Variants in NTSR1 observed in about 807,000 individuals in gnomAD.
NTSR1 encodes neurotensin receptor type 1.
NTSR1 carries 29 observed loss-of-function variants against 31.2 expected under a neutral mutation model. That is an observed-to-expected ratio of 0.93 (90% CI 0.69 to 1.27). The LOEUF is 1.27. Ranked by LOEUF, NTSR1 falls within the 50% of genes most tolerant of loss-of-function variation. The pLI, the probability that NTSR1 is intolerant of heterozygous loss-of-function variation, is 0.00. For synonymous variants in NTSR1, 282 were observed against 269.9 expected, an observed-to-expected ratio of 1.04 and a Z score of -0.44; for missense variants, 697 against 595.4, an observed-to-expected ratio of 1.17 and a Z score of -1.78.
chr20:62,740,111 G>A (rs1456434203), intron 1 of NTSR1, among the ~76,000 whole-genome samples: 1 of 152,248 alleles, frequency 6.6e-6, no homozygotes, highest in Non-Finnish European at 1.5e-5. Flanking sequence ...ATGGAGCAGA[G>A]AACTTTTCCG....
At chr20:62,734,119 G>A (rs958768232) in intron 1 of NTSR1, among the ~76,000 whole-genome samples, 1 of 152,100 alleles carries the variant, frequency 6.6e-6, no homozygotes, top group Non-Finnish European at 1.5e-5. Flanking sequence ...TCCTGGAAGC[G>A]ACCGCCTTGT....
rs576955656 is a variant in NTSR1 at position 62,722,652 on chromosome 20, C to T, written c.714+12731C>T. Among the ~76,000 whole-genome samples, 58 of 152,324 alleles carry T rather than the reference C, an allele frequency of 3.8e-4. 1 individual carries two copies. The highest frequency in any genetic ancestry group is 6.8e-3 in the Middle Eastern group (2 of 294). On this transcript the variant is annotated intron_variant, in intron 1 of 3. Coordinates refer to ENST00000370501, the MANE Select transcript of NTSR1 (RefSeq NM_002531.3). The stretch of plus-strand genomic sequence containing the variant: ...CGTTCTGCCCGGACCTCAGCTCTTA[C>T]GTCTCCATCAGGAAACTGTCCCCAA...
chr20:62,750,505 A>T (rs113564061), intron 1 of NTSR1, among the ~76,000 whole-genome samples: 2 of 152,006 alleles, frequency 1.3e-5, no homozygotes, highest in Admixed American at 1.3e-4. Context: ...CCTGGCTAAC[A>T]TGGTGAAACC....
In NTSR1 at chr20:62,709,853, G is replaced by A. The variant is rs1391870877; in HGVS notation, c.646G>A (p.Gly216Ser). 3.1e-6 allele frequency: 5 copies of A among 1,608,264 alleles called. No individual in the cohort carries two copies. The highest frequency in any genetic ancestry group is 1.1e-5 in the South Asian group (1 of 90,952). Residue 216 changes from glycine to serine, a missense_variant, in exon 1 of 4, where the codon GGC (glycine) becomes AGC (serine). Transcript: ENST00000370501. ...GGGCGAGCAGAACCGCAGCGCCGAC[G>A]GCCAGCACGCCGGCGGCCTGGTGTG... Reference protein sequence around the residue: ...TMGEQNRSADGQHAGGLVCTP... With the variant: ...TMGEQNRSADSQHAGGLVCTP...
chr20:62,759,924 C>T, intron 3 of NTSR1, 94 bp from the exon 4 acceptor site: 1 of 1,280,994 alleles, frequency 7.8e-7, no homozygotes, highest in Non-Finnish European at 1.1e-6. Flanking sequence ...GTCTGAGCCA[C>T]CACGTCCCTC....
Position 62,709,817 on chromosome 20 carries a change from C to G in NTSR1, c.610C>G (p.Leu204Val), listed in dbSNP as rs200396076. 2.5e-6 allele frequency: 4 copies of G among 1,612,720 alleles called. No individual in the cohort carries two copies. In the African/African-American group the frequency reaches 4.0e-5, roughly 16 times the overall value. Reference sequence around the variant, plus strand: ...CTCGGCCCTGCTGGCGGTGCCTATGCTGTTCACCATGGGCGAGCAGAACCG... The same window carrying G: ...CTCGGCCCTGCTGGCGGTGCCTATGGTGTTCACCATGGGCGAGCAGAACCG... Reference protein sequence around the residue: ...LASALLAVPMLFTMGEQNRSA... With the variant: ...LASALLAVPMVFTMGEQNRSA... Residue 204 changes from leucine (L) to valine (V), a missense_variant, in exon 1 of 4, where the codon CTG (leucine) becomes GTG (valine). Physicochemically the swap from Leu to Val is conservative, Grantham distance 32. Coordinates refer to ENST00000370501, the MANE Select transcript of NTSR1 (RefSeq NM_002531.3).
Position 62,714,519 on chromosome 20 carries a change from T to C in NTSR1, c.714+4598T>C, listed in dbSNP as rs1211860820. On this transcript the variant is annotated intron_variant, in intron 1 of 3. Coordinates refer to ENST00000370501, the MANE Select transcript of NTSR1 (RefSeq NM_002531.3). The surrounding 1 kb of genome is among the most constrained non-coding windows in gnomAD (Gnocchi z 4.1). ...GTAGGCATGGATTCTTGACAGCTGC[T>C]GGGGTCACGAAGGGGAGAGAGTTAG... Among the ~76,000 whole-genome samples, 1 of 152,172 alleles carries C rather than the reference T, an allele frequency of 6.6e-6. No individual in the cohort carries two copies. The highest frequency in any genetic ancestry group is 1.5e-5 in the Non-Finnish European group (1 of 68,032).
At chr20:62,724,904 A>G (rs1988880172) in intron 1 of NTSR1, among the ~76,000 whole-genome samples, 1 of 152,150 alleles carries the variant, frequency 6.6e-6, no homozygotes, top group Non-Finnish European at 1.5e-5. Flanking sequence ...TCTCTGTGTC[A>G]TCTAAGGATA....
In NTSR1 at chr20:62,743,146, C is replaced by T. The variant is rs1989233717; in HGVS notation, c.715-11539C>T. ...GCCCCTGCTGGACACGTATCCCGGCCATCTCAGGCCCACCCATTGCCTCAT... is the reference window on the plus strand; with the variant it reads ...GCCCCTGCTGGACACGTATCCCGGCTATCTCAGGCCCACCCATTGCCTCAT... On this transcript the variant is annotated intron_variant, in intron 1 of 3. Transcript: ENST00000370501. The surrounding 1 kb of genome is among the most constrained non-coding windows in gnomAD (Gnocchi z 7.5). Among the ~76,000 whole-genome samples, 1 of 149,442 alleles carries T rather than the reference C, an allele frequency of 6.7e-6. No individual in the cohort carries two copies. Among genetic ancestry groups the T allele is most frequent in the African/African-American group, 2.5e-5 (1 of 39,964 alleles).
chr20:62,730,769 T>G (rs1988989407), intron 1 of NTSR1, among the ~76,000 whole-genome samples: 1 of 152,186 alleles, frequency 6.6e-6, no homozygotes, highest in African/African-American at 2.4e-5. Flanking sequence ...AGGATCTTGG[T>G]TTTGGTTTTT....
At chr20:62,731,939 T>A (rs1351920250) in intron 1 of NTSR1, among the ~76,000 whole-genome samples, 1 of 152,070 alleles carries the variant, frequency 6.6e-6, no homozygotes, top group Non-Finnish European at 1.5e-5. Flanking sequence ...GCCAATATAG[T>A]GAAACCCCCA....
At chr20:62,722,204 T>C (rs1441606877) in intron 1 of NTSR1, among the ~76,000 whole-genome samples, 2 of 152,342 alleles carry the variant, frequency 1.3e-5, no homozygotes, top group Non-Finnish European at 2.9e-5. Flanking sequence ...GTTTCATGCT[T>C]AGTTGAGTAA....
At chr20:62,724,917 G>A (rs368872463) in intron 1 of NTSR1, among the ~76,000 whole-genome samples, 1 of 152,192 alleles carries the variant, frequency 6.6e-6, no homozygotes, top group Admixed American at 6.5e-5. Context: ...TAAGGATACT[G>A]GTCATTAGAT....
At chr20:62,752,741 G>A (rs1013174349) in intron 1 of NTSR1, among the ~76,000 whole-genome samples, 11 of 152,290 alleles carry the variant, frequency 7.2e-5, no homozygotes, top group African/African-American at 2.6e-4. Context: ...GACTCACAGG[G>A]AATGGGTTTA....
chr20:62,760,995 C>G lies in NTSR1; in HGVS notation c.*728C>G, dbSNP rs2147151793. ...CCTCCCCTCCTCCCTCCCATCCTCA[C>G]CCAGGCCAAGGCCCAGGGGCTCTGC... On this transcript the variant is annotated 3_prime_UTR_variant, in exon 4 of 4. Coordinates refer to ENST00000370501, the MANE Select transcript of NTSR1 (RefSeq NM_002531.3). 1 of 152,688 alleles carries G rather than the reference C, an allele frequency of 6.5e-6. No individual in the cohort carries two copies. Among genetic ancestry groups the G allele is most frequent in the South Asian group, 2.1e-4 (1 of 4,834 alleles). 9.5% of individuals were successfully genotyped at this position (152,688 alleles called of 1,614,324 possible).
At chr20:62,735,598 G>C (rs954813646) in intron 1 of NTSR1, among the ~76,000 whole-genome samples, 11 of 152,208 alleles carry the variant, frequency 7.2e-5, no homozygotes, top group Non-Finnish European at 1.2e-4. Flanking sequence ...GGATGATTCA[G>C]AGAGAGGCGT....
chr20:62,755,998 C>A (rs551405582), intron 2 of NTSR1, among the ~76,000 whole-genome samples: 1 of 150,308 alleles, frequency 6.7e-6, no homozygotes, highest in Non-Finnish European at 1.5e-5. Flanking sequence ...CACTTGCTCA[C>A]GTGCTCACTT....
chr20:62,718,832 C>T (rs936310822), intron 1 of NTSR1, among the ~76,000 whole-genome samples: 2 of 152,216 alleles, frequency 1.3e-5, no homozygotes, highest in African/African-American at 4.8e-5. Flanking sequence ...CAAATATTCA[C>T]ATATGATGAA....
intron 1 of NTSR1, among the ~76,000 whole-genome samples, chr20:62,748,097 C>A (rs1989332918): frequency 6.6e-6 from 1 of 151,272 alleles, no homozygotes. Context: ...ATTGCTTGAA[C>A]CTGAGAGGCG....
Sources: allele counts gnomAD v4.1 joint callset (sites outside exome capture counted in the v4.1 genomes callset), GRCh38; gene constraint gnomAD v4.1.1; non-coding constraint Gnocchi (gnomAD v3.1); transcripts MANE v1.5; gene names NCBI Gene and HGNC (gene_info 2026-07-23, HGNC 2026-07-21).